Variants in BAZ1B observed in about 807,000 individuals in gnomAD.
BAZ1B encodes tyrosine-protein kinase BAZ1B.
BAZ1B carries 22 observed loss-of-function variants against 153.8 expected under a neutral mutation model. That is an observed-to-expected ratio of 0.14 (90% CI 0.10 to 0.20). The LOEUF is 0.20. Ranked by LOEUF, BAZ1B falls within the 10% of genes least tolerant of loss-of-function variation. BAZ1B has a pLI of 1.00. For missense variants in BAZ1B, 1,325 were observed against 1,799.3 expected (o/e 0.74, Z 4.77); for synonymous variants, 676 against 633.4 (o/e 1.07, Z -1.01).
intron 7 of BAZ1B, among the ~76,000 whole-genome samples, chr7:73,475,483 T>C (rs933705527): frequency 3.9e-5 from 6 of 152,160 alleles, no homozygotes. Context: ...AGGCTACATA[T>C]TATATGATTG....
At chr7:73,486,250 C>A (rs1313497682) in intron 6 of BAZ1B, among the ~76,000 whole-genome samples, 2 of 152,178 alleles carry the variant, frequency 1.3e-5, no homozygotes, top group Non-Finnish European at 2.9e-5. Flanking sequence ...AGGTAACAAT[C>A]CAAAATTCCT....
rs564211319 is a variant in BAZ1B, at chr7:73,464,170, A to G, written c.3072-1071T>C. 1.7e-5 allele frequency: 17 copies of G among 984,904 alleles called. No homozygotes were observed. The East Asian group carries it at 9.1e-4, about 53-fold the overall frequency. 61.0% of individuals were successfully genotyped at this position (984,904 alleles called of 1,614,324 possible). A position where few individuals can be genotyped will look rare whatever the true frequency, so the allele number is the denominator to read the frequency against. On this transcript the variant is annotated intron_variant, in intron 11 of 19. Transcript: ENST00000339594. ...AATGGTGTAGAGTATGTACTGAATC[A>G]TATTTTCCTTCTCTCTTCCATCAAA...
intron 13 of BAZ1B, among the ~76,000 whole-genome samples, chr7:73,452,054 C>T (rs1788041070): frequency 6.6e-6 from 1 of 152,198 alleles, no homozygotes; most frequent in African/African-American, 2.4e-5. Context: ...TTACTATTTC[C>T]TATGAATTAT....
chr7:73,456,594 TGA>T (rs1401739166), intron 13 of BAZ1B, among the ~76,000 whole-genome samples: 2 of 151,960 alleles, frequency 1.3e-5, no homozygotes, highest in Admixed American at 6.6e-5. Context: ...AAAACCACAA[TGA>T]GATACAACTT....
chr7:73,457,829 T>C (rs1242752289), intron 13 of BAZ1B, among the ~76,000 whole-genome samples: 2 of 152,150 alleles, frequency 1.3e-5, no homozygotes, highest in Admixed American at 6.5e-5. Context: ...TCTACGAAGA[T>C]ACTGGAACAA....
intron 12 of BAZ1B, chr7:73,462,467 G>C (rs1239241273): frequency 5.7e-6 from 1 of 174,418 alleles, no homozygotes; most frequent in African/African-American, 2.4e-5. Context: ...GTCCCTCTGA[G>C]CAATAAAGGA....
chr7:73,442,960 CCTT>C, intron 17 of BAZ1B, 132 bp from the exon 18 acceptor site: 1 of 708,308 alleles, frequency 1.4e-6, no homozygotes, highest in African/African-American at 1.8e-5. Flanking sequence ...GGTGCTGAAA[CCTT>C]CTGATATTCA....
intron 9 of BAZ1B, among the ~76,000 whole-genome samples, chr7:73,467,979 G>A (rs1374245684): frequency 6.6e-6 from 1 of 152,124 alleles, no homozygotes; most frequent in Admixed American, 6.6e-5. Flanking sequence ...TAAATCTGAA[G>A]TTTTATTTGA....
chr7:73,491,142 C>A (rs139927365), intron 5 of BAZ1B, among the ~76,000 whole-genome samples: 5 of 151,684 alleles, frequency 3.3e-5, no homozygotes, highest in Non-Finnish European at 7.4e-5. Flanking sequence ...AAAACTTAGC[C>A]GGGCACGGTG....
intron 6 of BAZ1B, among the ~76,000 whole-genome samples, chr7:73,482,215 A>G (rs1290418189): frequency 1.3e-5 from 2 of 152,148 alleles, no homozygotes; most frequent in Non-Finnish European, 2.9e-5. Context: ...GTTTCCCAGA[A>G]CTGTATTTCA....
At chr7:73,499,335 T>TA (rs200011936) in intron 3 of BAZ1B, among the ~76,000 whole-genome samples, 2,059 of 151,918 alleles carry the variant, frequency 0.014, 20 homozygotes, top group Non-Finnish European at 0.02. Context: ...GCCTACATTT[T>TA]AAAAAAAAGA....
At chr7:73,498,733 TAAAC>T (rs1790013528) in intron 3 of BAZ1B, 35 bp from the exon 4 acceptor site, 7 of 1,583,420 alleles carry the variant, frequency 4.4e-6, no homozygotes, top group Non-Finnish European at 6.1e-6. Context: ...TCAGAGATAA[TAAAC>T]ACCCAGAAAC....
At chr7:73,448,680 G>C (rs548910248) in intron 15 of BAZ1B, among the ~76,000 whole-genome samples, 1 of 152,220 alleles carries the variant, frequency 6.6e-6, no homozygotes, top group Admixed American at 6.5e-5. Flanking sequence ...TCTGGGCAGA[G>C]AATGTTCCCA....
chr7:73,463,661 A>G (rs184886523), intron 11 of BAZ1B, among the ~76,000 whole-genome samples: 45 of 152,102 alleles, frequency 3.0e-4, no homozygotes, highest in Non-Finnish European at 2.6e-4. Context: ...AACATCATAG[A>G]ACTATATTTC....
At chr7:73,449,718 G>T in intron 14 of BAZ1B, 29 bp from the exon 15 acceptor site, 2 of 1,610,876 alleles carry the variant, frequency 1.2e-6, no homozygotes, top group Non-Finnish European at 1.7e-6. Flanking sequence ...GAATAGCATT[G>T]TTGGGAGCAC....
intron 1 of BAZ1B, among the ~76,000 whole-genome samples, chr7:73,517,219 AC>A (rs1790843841): frequency 6.6e-6 from 1 of 152,038 alleles, no homozygotes; most frequent in South Asian, 2.1e-4. Flanking sequence ...AAGGCCACAC[AC>A]AGTGGCTCAT....
intron 10 of BAZ1B, 116 bp from the exon 11 acceptor site, chr7:73,465,653 T>C: frequency 1.7e-6 from 1 of 598,106 alleles, no homozygotes; most frequent in South Asian, 2.6e-5. Context: ...ATTCCAAATG[T>C]GTTCACAATC....
Position 73,463,109 on chromosome 7 carries a change from T to A in BAZ1B, c.3072-10A>T. 1.3e-6 allele frequency: 2 copies of A among 1,595,520 alleles called. No homozygotes were observed. Among genetic ancestry groups the A allele is most frequent in the Non-Finnish European group, 8.5e-7 (1 of 1,171,988 alleles). ...AATAATGTCCTGGTACCTAGAAGAT[T>A]TGGGACAAGAGAATGGGGAAAGAAA... On this transcript the variant is annotated splice_polypyrimidine_tract_variant and intron_variant, in intron 11 of 19. Coordinates refer to ENST00000339594, the MANE Select transcript of BAZ1B (RefSeq NM_032408.4).
At chr7:73,471,229 T>G (rs1788793450) in intron 7 of BAZ1B, among the ~76,000 whole-genome samples, 1 of 152,244 alleles carries the variant, frequency 6.6e-6, no homozygotes, top group African/African-American at 2.4e-5. Context: ...GTAATTTGGC[T>G]TAATAGCCCT....
Sources: allele counts gnomAD v4.1 joint callset (sites outside exome capture counted in the v4.1 genomes callset), GRCh38; gene constraint gnomAD v4.1.1; transcripts MANE v1.5; gene names NCBI Gene and HGNC (gene_info 2026-07-23, HGNC 2026-07-21).